LRGUK: variants seen among roughly 807,000 people sequenced by gnomAD.
LRGUK encodes leucine-rich repeat and guanylate kinase domain-containing protein.
In LRGUK, 65 loss-of-function variants were observed where a neutral mutation model predicts 76.0. The ratio of observed to expected loss-of-function variants is 0.85; its 90% CI spans 0.70 to 1.05. The LOEUF is 1.05. Ranked by LOEUF, LRGUK falls within the 50% of genes least tolerant of loss-of-function variation. LRGUK has a pLI of 0.00. For missense variants in LRGUK, 758 were observed against 732.8 expected, an observed-to-expected ratio of 1.03 and a Z score of -0.40; for synonymous variants, 268 against 265.6, an observed-to-expected ratio of 1.01 and a Z score of -0.09.
intron 1 of LRGUK, among the ~76,000 whole-genome samples, chr7:134,131,165 C>A (rs2116792937): frequency 6.6e-6 from 1 of 152,218 alleles, no homozygotes; most frequent in South Asian, 2.1e-4. Flanking sequence ...TCTTTTCAGT[C>A]CCTTTATATG....
At chr7:134,258,322 T>C in exon 19 of LRGUK, 1 of 1,614,146 alleles carries the variant, frequency 6.2e-7, no homozygotes, top group Non-Finnish European at 8.5e-7. Flanking sequence ...TCAAAAGAAT[T>C]GCCTTTCCAG....
intron 16 of LRGUK, among the ~76,000 whole-genome samples, chr7:134,237,269 G>A (rs1452277032): frequency 6.6e-6 from 1 of 151,970 alleles, no homozygotes; most frequent in Non-Finnish European, 1.5e-5. Context: ...TGGCCAAGCT[G>A]GTCTCAAACT....
chr7:134,177,269 G>T (rs968426091), intron 9 of LRGUK, among the ~76,000 whole-genome samples: 9 of 152,176 alleles, frequency 5.9e-5, no homozygotes, highest in Non-Finnish European at 7.3e-5. Flanking sequence ...GCAGTGAAAG[G>T]CCTGATGTCT....
At chr7:134,195,550 A>T (rs1017408238) in intron 12 of LRGUK, among the ~76,000 whole-genome samples, 2 of 152,144 alleles carry the variant, frequency 1.3e-5, no homozygotes, top group Non-Finnish European at 2.9e-5. Context: ...TTTTTGTTCT[A>T]TTGAGGCCTT....
intron 11 of LRGUK, 128 bp from the exon 12 acceptor site, chr7:134,191,527 A>G (rs1449922986): frequency 5.9e-6 from 4 of 681,718 alleles, no homozygotes; most frequent in Non-Finnish European, 1.0e-5. Context: ...TATTCTTACA[A>G]CTGTATTACT....
downstream of LRGUK, among the ~76,000 whole-genome samples, chr7:134,267,670 C>T (rs1331195481): frequency 6.6e-6 from 1 of 152,124 alleles, no homozygotes; most frequent in African/African-American, 2.4e-5. Context: ...AGCCTTCTGC[C>T]ATGATTGTGA....
chr7:134,230,439 T>C (rs552445278), intron 16 of LRGUK, among the ~76,000 whole-genome samples: 135 of 152,314 alleles, frequency 8.9e-4, no homozygotes, highest in African/African-American at 3.0e-3. Flanking sequence ...CATTATTTAC[T>C]AAAGTTGAAC....
intron 8 of LRGUK, among the ~76,000 whole-genome samples, chr7:134,176,004 A>T (rs1043406067): frequency 6.6e-6 from 1 of 152,226 alleles, no homozygotes; most frequent in African/African-American, 2.4e-5. Flanking sequence ...TGGAGTTACA[A>T]GACAGGGTTT....
chr7:134,131,246 TACTA>T (rs1797292274), intron 1 of LRGUK, among the ~76,000 whole-genome samples: 1 of 152,248 alleles, frequency 6.6e-6, no homozygotes, highest in Non-Finnish European at 1.5e-5. Flanking sequence ...TTAAAGTTCT[TACTA>T]TAGTGTCTGA....
exon 9 of LRGUK, chr7:134,176,993 G>T: frequency 6.3e-7 from 1 of 1,597,320 alleles, no homozygotes; most frequent in South Asian, 1.1e-5. Flanking sequence ...TCTGAATATT[G>T]GTTCTTCGTA....
chr7:134,169,648 G>A (rs1231823050), intron 7 of LRGUK, among the ~76,000 whole-genome samples: 1 of 151,808 alleles, frequency 6.6e-6, no homozygotes, highest in Non-Finnish European at 1.5e-5. Context: ...ATCCAATTGG[G>A]ATTTACTTTT....
intron 18 of LRGUK, among the ~76,000 whole-genome samples, chr7:134,256,524 C>A (rs1255557558): frequency 6.6e-6 from 1 of 151,018 alleles, no homozygotes; most frequent in African/African-American, 2.4e-5. Flanking sequence ...AAGCCAGCAT[C>A]TTTCTATCAT....
At chr7:134,163,523 A>G (rs1798844379) in exon 7 of LRGUK, 1 of 1,612,414 alleles carries the variant, frequency 6.2e-7, no homozygotes, top group Non-Finnish European at 8.5e-7. Flanking sequence ...GGAAGTGATC[A>G]ACCTGGAGGA....
At chr7:134,239,295 C>T (rs1255694961) in intron 16 of LRGUK, among the ~76,000 whole-genome samples, 2 of 152,186 alleles carry the variant, frequency 1.3e-5, no homozygotes, top group African/African-American at 4.8e-5. Context: ...AATTCCCTTT[C>T]CTAGCAAAGG....
chr7:134,244,588 G>A (rs1427020233), intron 16 of LRGUK, among the ~76,000 whole-genome samples: 5 of 152,112 alleles, frequency 3.3e-5, no homozygotes, highest in African/African-American at 9.7e-5. Context: ...AAATAGGAAT[G>A]CTTTTACACT....
intron 13 of LRGUK, 88 bp downstream of exon 13, chr7:134,197,193 A>T (rs1054017764): frequency 1.4e-6 from 1 of 738,502 alleles, no homozygotes; most frequent in African/African-American, 1.8e-5. Flanking sequence ...GTATATATGT[A>T]TAAACTTTTT....
chr7:134,146,845 C>T (rs1797990598), intron 4 of LRGUK, among the ~76,000 whole-genome samples: 1 of 152,072 alleles, frequency 6.6e-6, no homozygotes, highest in Admixed American at 6.5e-5. Flanking sequence ...TAGAATAGTG[C>T]TTATTATGTA....
chr7:134,265,758 A>G (rs1585615843), downstream of LRGUK, among the ~76,000 whole-genome samples: 1 of 152,230 alleles, frequency 6.6e-6, no homozygotes, highest in Middle Eastern at 3.4e-3. Flanking sequence ...ATTAATGAGA[A>G]TGCCCTCCCA....
chr7:134,153,458 A>G (rs1450574505), intron 5 of LRGUK, among the ~76,000 whole-genome samples: 1 of 152,168 alleles, frequency 6.6e-6, no homozygotes, highest in African/African-American at 2.4e-5. Context: ...CTTTACCTGT[A>G]AACATTGACT....
Sources: gnomAD v4.1 joint callset for allele counts (sites outside exome capture counted in the v4.1 genomes callset) on GRCh38, gnomAD v4.1.1 for gene constraint, MANE v1.5 for transcripts, NCBI Gene and HGNC (gene_info 2026-07-23, HGNC 2026-07-21) for gene names.